Variants in ARHGEF10L observed in about 807,000 individuals in gnomAD.
ARHGEF10L encodes the protein Rho guanine nucleotide exchange factor 10 like.
In ARHGEF10L, 69 loss-of-function variants were observed where a neutral mutation model predicts 141.2. The ratio of observed to expected loss-of-function variants is 0.49; its 90% confidence interval spans 0.40 to 0.60. The LOEUF (loss-of-function observed/expected upper bound fraction) is 0.60, where lower values mean the gene tolerates loss of function less well. Among genes scored for constraint, ARHGEF10L ranks in the 20% least tolerant of loss-of-function variants. The pLI, the probability that ARHGEF10L is intolerant of heterozygous loss-of-function variation, is 0.00. For missense variants in ARHGEF10L, 1,482 were observed against 1,734.3 expected (o/e 0.85, Z 2.58); for synonymous variants, 711 against 718.5 (o/e 0.99, Z 0.17).
At chr1:17,640,443 G>C in intron 21 of ARHGEF10L, 141 bp downstream of exon 21, 1 of 682,014 alleles carries the variant, frequency 1.5e-6, no homozygotes, top group Non-Finnish European at 2.4e-6. Flanking sequence ...TGGTGCGGTG[G>C]AGAAACAGCT....
At chr1:17,541,625 G>A (rs1282545862) in intron 1 of ARHGEF10L, among the ~76,000 whole-genome samples, 1 of 152,156 alleles carries the variant, frequency 6.6e-6, no homozygotes, top group Non-Finnish European at 1.5e-5. Flanking sequence ...GAGGTCAGGA[G>A]TTCGGGATCA....
intron 1 of ARHGEF10L, among the ~76,000 whole-genome samples, chr1:17,554,802 G>T (rs2077246764): frequency 6.6e-6 from 1 of 151,968 alleles, no homozygotes; most frequent in South Asian, 2.1e-4. Context: ...CGTTGCCCAG[G>T]CTGGTCTCAA....
chr1:17,521,322 G>A, the ARHGEF10L span, among the ~76,000 whole-genome samples: 3 of 152,128 alleles, frequency 2.0e-5, no homozygotes, highest in Non-Finnish European at 4.4e-5. Flanking sequence ...TCAGCCTCCC[G>A]AGTAGCTGGG....
At chr1:17,628,578 G>A (rs1036329487) in intron 15 of ARHGEF10L, among the ~76,000 whole-genome samples, 2 of 152,090 alleles carry the variant, frequency 1.3e-5, no homozygotes, top group Non-Finnish European at 2.9e-5. Context: ...GGGTGCCCAG[G>A]CCCTGGGCAC....
chr1:17,594,413 G>A (rs993954919), intron 4 of ARHGEF10L, among the ~76,000 whole-genome samples: 14 of 152,092 alleles, frequency 9.2e-5, no homozygotes, highest in Admixed American at 5.9e-4. Context: ...TTTGGATCCC[G>A]CCTGCCCTAC....
intron 21 of ARHGEF10L, 39 bp downstream of exon 21, chr1:17,640,341 G>A (rs761426866): frequency 5.8e-6 from 9 of 1,550,690 alleles, no homozygotes; most frequent in African/African-American, 1.4e-5. Flanking sequence ...AGGGGGCAGG[G>A]GTGTGGAACG....
In ARHGEF10L at chr1:17,588,472, G is replaced by A. The variant is rs146072588; in HGVS notation, c.250G>A (p.Gly84Ser). 157 of 1,613,868 alleles carry A rather than the reference G, an allele frequency of 9.7e-5. No homozygotes were observed. The Middle Eastern group carries it at 1.2e-3, about 12-fold the overall frequency. Reference protein sequence around the residue: ...TDPDPAAAPPGTGVPAWVSNG... With the variant: ...TDPDPAAAPPSTGVPAWVSNG... ...CCCAGACCCAGCAGCTGCTCCACCC[G>A]GCACAGGGTAAGTGAACCTTGCTCC... The change falls in exon 4 of 29, where the codon GGC becomes AGC. Residue 84 changes from glycine (G) to serine (S), a missense_variant. By Grantham distance (56) the Gly-to-Ser change is moderately conservative. Coordinates refer to ENST00000361221, the MANE Select transcript of ARHGEF10L (RefSeq NM_018125.4).
At chr1:17,535,860 G>A (rs1333175209), upstream of ARHGEF10L, among the ~76,000 whole-genome samples, 4 of 152,156 alleles carry the variant, frequency 2.6e-5, no homozygotes, top group Non-Finnish European at 5.9e-5. Flanking sequence ...CCAGGTTCTG[G>A]AGCAGGTGCT....
At chr1:17,590,241 T>C (rs2079413701) in intron 4 of ARHGEF10L, among the ~76,000 whole-genome samples, 1 of 152,106 alleles carries the variant, frequency 6.6e-6, no homozygotes, top group African/African-American at 2.4e-5. Context: ...GCTGGCTTCA[T>C]AGGAATGATC....
At chr1:17,681,373 T>C (rs1333705288) in intron 26 of ARHGEF10L, among the ~76,000 whole-genome samples, 4 of 152,218 alleles carry the variant, frequency 2.6e-5, no homozygotes, top group Non-Finnish European at 5.9e-5. Context: ...TTCCCAGTTG[T>C]CCCCAAAATA....
In ARHGEF10L at chr1:17,552,581, T is replaced by TG. The variant is rs1435254186; in HGVS notation, c.-44+12631_-44+12632insG. The stretch of plus-strand genomic sequence containing the variant: ...AGCTGGCTAATTTTCGTTTTTTTTT[T>TG]TTTTTTTTTTTTTTTTTTTTTTAGT... On this transcript the variant is annotated intron_variant, in intron 1 of 28. Transcript: ENST00000361221. Among the ~76,000 whole-genome samples, 420 of 111,854 alleles carry TG rather than the reference T, an allele frequency of 3.8e-3. 2 individuals are homozygous for TG. The highest frequency in any genetic ancestry group is 5.1e-3 in the Non-Finnish European group (247 of 48,376). The allele number at this position is 111,854 out of a possible 152,430, so 73.4% of individuals were successfully genotyped here. A position where few individuals can be genotyped will look rare whatever the true frequency, so the allele number is the denominator to read the frequency against.
chr1:17,570,539 G>C lies in ARHGEF10L; in HGVS notation c.-43-10014G>C, dbSNP rs538500128. Among the ~76,000 whole-genome samples, 210 of 152,176 alleles carry C rather than the reference G, an allele frequency of 1.4e-3. 1 individual carries two copies. The highest frequency in any genetic ancestry group is 2.4e-3 in the Non-Finnish European group (160 of 68,014). On this transcript the variant is annotated intron_variant, in intron 1 of 28. Coordinates refer to ENST00000361221, the MANE Select transcript of ARHGEF10L (RefSeq NM_018125.4). Reference sequence around the variant, plus strand: ...GGAGAGAGGTAGGACATGAAGTCGGGGGGGTTGTGGGGGCTCTGACACGTG... The same window carrying C: ...GGAGAGAGGTAGGACATGAAGTCGGCGGGGTTGTGGGGGCTCTGACACGTG...
chr1:17,515,152 A>G, the ARHGEF10L span, among the ~76,000 whole-genome samples: 1 of 152,172 alleles, frequency 6.6e-6, no homozygotes, highest in Admixed American at 6.6e-5. Flanking sequence ...ATGGGGGGCA[A>G]CTTGTCCTGG....
chr1:17,692,686 G>A (rs1355285890), intron 27 of ARHGEF10L, among the ~76,000 whole-genome samples: 2 of 152,148 alleles, frequency 1.3e-5, no homozygotes, highest in Non-Finnish European at 2.9e-5. Context: ...CTCCACAACT[G>A]TAGCTAGAAC....
At chr1:17,618,679 C>T (rs2059942790) in intron 9 of ARHGEF10L, among the ~76,000 whole-genome samples, 1 of 152,226 alleles carries the variant, frequency 6.6e-6, no homozygotes, top group Non-Finnish European at 1.5e-5. Flanking sequence ...TCTCCCGGCA[C>T]CTGTACCTTG....
chr1:17,616,851 G>A (rs2059835394), intron 9 of ARHGEF10L, among the ~76,000 whole-genome samples: 1 of 152,226 alleles, frequency 6.6e-6, no homozygotes, highest in African/African-American at 2.4e-5. Context: ...GCGAGCGGGT[G>A]TGCAGAGCCC....
chr1:17,518,192 A>G, the ARHGEF10L span, among the ~76,000 whole-genome samples: 1 of 152,212 alleles, frequency 6.6e-6, no homozygotes, highest in Non-Finnish European at 1.5e-5. Flanking sequence ...GATTTGGCCC[A>G]TGGGCCATAG....
chr1:17,522,140 C>T, the ARHGEF10L span, among the ~76,000 whole-genome samples: 3 of 151,648 alleles, frequency 2.0e-5, no homozygotes, highest in South Asian at 2.1e-4. Flanking sequence ...TGAGAGTGGG[C>T]GTGGCAGAGG....
At chr1:17,651,248 C>T (rs1356035117) in intron 22 of ARHGEF10L, among the ~76,000 whole-genome samples, 1 of 152,148 alleles carries the variant, frequency 6.6e-6, no homozygotes, top group African/African-American at 2.4e-5. Context: ...CTGGTGGAGG[C>T]CGTCGGCAAG....
Sources: gnomAD v4.1 joint callset for allele counts (sites outside exome capture counted in the v4.1 genomes callset) on GRCh38, gnomAD v4.1.1 for gene constraint, MANE v1.5 for transcripts, NCBI Gene and HGNC (gene_info 2026-07-23, HGNC 2026-07-21) for gene names.